Variants in COL7A1 observed in about 807,000 individuals in gnomAD.
The protein encoded by COL7A1 is collagen type VII alpha 1 chain, also known as collagen alpha-1(VII) chain.
COL7A1 carries 296 observed loss-of-function variants against 456.2 expected under a neutral mutation model. The ratio of observed to expected loss-of-function variants is 0.65; its 90% confidence interval spans 0.59 to 0.71. The LOEUF is 0.71. Among genes scored for constraint, COL7A1 ranks in the 30% least tolerant of loss-of-function variants. COL7A1 has a pLI of 0.00. For synonymous variants in COL7A1, 1,464 were observed against 1,525.9 expected (o/e 0.96, Z 0.95); for missense variants, 3,441 against 4,017.2 (o/e 0.86, Z 3.88).
In COL7A1 at chr3:48,584,703, TCCCGGCCG is replaced by T. The variant is rs1455894319; in HGVS notation, c.4047+23_4047+30del. ...GGCAGTCCTGCTCCTCCCTGGGACA[TCCCGGCCG>T]CCTCCCTTCCCCCTTCACCTACCGG... On this transcript the variant is annotated intron_variant, in intron 35 of 118. Transcript: ENST00000681320. 3 of 1,613,852 alleles carry T rather than the reference TCCCGGCCG, an allele frequency of 1.9e-6. No homozygotes were observed. The South Asian group carries it at 3.3e-5, about 18-fold the overall frequency.
At position 48,587,748 on chromosome 3, in the gene COL7A1, G is replaced by A. The variant is rs1220246924; in HGVS notation, c.2857+45C>T. ...GAGTCGGGGTGCAGGAAGTCAGGGT[G>A]GGTCATCAGCAGGGGAGGAGCACGC... On this transcript the variant is annotated intron_variant, in intron 22 of 118. Coordinates refer to ENST00000681320, the MANE Select transcript of COL7A1 (RefSeq NM_000094.4). This position sits in a 1 kb window ranked among gnomAD's most constrained non-coding sequence, Gnocchi z 6.1. 9 of 1,613,106 alleles carry A rather than the reference G, an allele frequency of 5.6e-6. No individual in the cohort carries two copies. Among genetic ancestry groups the A allele is most frequent in the African/African-American group, 1.3e-5 (1 of 74,880 alleles).
In COL7A1 at chr3:48,591,520, G is replaced by T; in HGVS notation, c.1580C>A (p.Ser527Tyr). 1.2e-6 allele frequency: 2 copies of T among 1,614,000 alleles called. No homozygotes were observed. The highest frequency in any genetic ancestry group is 1.7e-6 in the Non-Finnish European group (2 of 1,179,994). ...GGTGGCACCAGGGACTGGGCTCCAG[G>T]ACACTCGCACCCGCTGCCCGGGCAG... The part of the protein sequence containing the change: ...TELPGQRVRV[S>Y]WSPVPGATQY... The change falls in exon 13 of 119, where the codon TCC becomes TAC. Residue 527 changes from serine (S) to tyrosine (Y), a missense_variant. Ser to Tyr is a moderately radical substitution (Grantham distance 144). Coordinates refer to ENST00000681320, the MANE Select transcript of COL7A1 (RefSeq NM_000094.4). The surrounding 1 kb of genome is among the most constrained non-coding windows in gnomAD (Gnocchi z 7.0).
In COL7A1 at chr3:48,585,057, G is replaced by T. The variant is rs764831575; in HGVS notation, c.3954C>A (p.Thr1318=). 3 of 1,612,882 alleles carry T rather than the reference G, an allele frequency of 1.9e-6. No homozygotes were observed. Among genetic ancestry groups the T allele is most frequent in the Admixed American group, 1.7e-5 (1 of 60,026 alleles). Residue 1318 remains threonine (T), a synonymous_variant, in exon 33 of 119, where the codon ACC becomes ACA. Transcript: ENST00000681320. This position sits in a 1 kb window ranked among gnomAD's most constrained non-coding sequence, Gnocchi z 4.5. ...TCACCTTTAGGCCAGGGGCTCCAGG[G>T]GTCCCAGGATTCCCGGCGCGGCCAG... ...GSPGRAGNPG[T]PGAPGLKGSP... is the part of the protein sequence containing the mutation.
chr3:48,582,778 G>T, intron 44 of COL7A1, 125 bp from the exon 45 acceptor site: 1 of 1,193,166 alleles, frequency 8.4e-7, no homozygotes, highest in Non-Finnish European at 1.2e-6. Context: ...GTTGGCAGGG[G>T]TAAGACTTGG....
rs764104288 is a variant in COL7A1 at position 48,594,391 on chromosome 3, TG to T, written c.242del (p.Thr81LysfsTer23). 1 of 1,611,288 alleles carries T rather than the reference TG, an allele frequency of 6.2e-7. No homozygotes were observed. ...ACCGTGGGTCATCGCTGTACTGCAC[TG>T]TGGCAAAGCGCACACCCTGTGCACT... ...AASAQGVRFA[T>X]VQYSDDPRTE... On this transcript the variant is annotated frameshift_variant, in exon 3 of 119. Transcript: ENST00000681320. LOFTEE classifies it high-confidence loss of function. This position sits in a 1 kb window ranked among gnomAD's most constrained non-coding sequence, Gnocchi z 5.5.
intron 70 of COL7A1, 40 bp from the exon 71 acceptor site, chr3:48,576,336 G>A: frequency 1.2e-6 from 2 of 1,613,946 alleles, no homozygotes; most frequent in Non-Finnish European, 1.7e-6. Context: ...CCAGCCTATG[G>A]GTGTGCATGT....
In COL7A1 at chr3:48,587,418, A is replaced by T; in HGVS notation, c.2992+2T>A. 1 of 1,612,932 alleles carries T rather than the reference A, an allele frequency of 6.2e-7. No individual in the cohort carries two copies. Among genetic ancestry groups the T allele is most frequent in the Non-Finnish European group, 8.5e-7 (1 of 1,179,948 alleles). ...CCACCCAAATCCTGGCCTCCCCCTCACCCTGGCCAGGGCCTCTGAGTGGCC... is the reference window on the plus strand; with the variant it reads ...CCACCCAAATCCTGGCCTCCCCCTCTCCCTGGCCAGGGCCTCTGAGTGGCC... On this transcript the variant is annotated splice_donor_variant, in intron 23 of 118. Transcript: ENST00000681320. LOFTEE classifies it high-confidence loss of function. This position sits in a 1 kb window ranked among gnomAD's most constrained non-coding sequence, Gnocchi z 6.1.
chr3:48,582,323 C>T lies in COL7A1; in HGVS notation c.4635G>A (p.Val1545=). The T allele has an allele frequency of 6.2e-7, 1 of 1,614,006 alleles. No homozygotes were observed. Among genetic ancestry groups the T allele is most frequent in the Non-Finnish European group, 8.5e-7 (1 of 1,179,984 alleles). ...EPGRPGDPAV[V]GPAVAGPKGE... is the part of the protein sequence containing the mutation. ...AGAGCGCCATCCTCCCGTCACTCACCACCACTGCAGGGTCCCCAGGGCGAC... is the reference window on the plus strand; with the variant it reads ...AGAGCGCCATCCTCCCGTCACTCACTACCACTGCAGGGTCCCCAGGGCGAC... Residue 1545 remains valine, a splice_region_variant and synonymous_variant, in exon 47 of 119, where the codon GTG becomes GTA. Transcript: ENST00000681320.
intron 2 of COL7A1, 39 bp downstream of exon 2, chr3:48,595,036 T>G (rs767464814): frequency 1.4e-6 from 2 of 1,477,548 alleles, no homozygotes; most frequent in South Asian, 2.4e-5. Context: ...GGTGGCACGG[T>G]GCAGTGCCCC....
chr3:48,569,539 C>T lies in COL7A1; in HGVS notation c.7614+53G>A, dbSNP rs1367126807. ...TCTCAGATGCCCTGGGCCAGCCCCA[C>T]GGGGTCCCTCTCGCACCCAGGGGAG... On this transcript the variant is annotated intron_variant, in intron 102 of 118. Transcript: ENST00000681320. The surrounding 1 kb of genome is among the most constrained non-coding windows in gnomAD (Gnocchi z 4.9). The T allele has an allele frequency of 2.2e-5, 35 of 1,613,110 alleles. No individual in the cohort carries two copies. The highest frequency in any genetic ancestry group is 1.7e-4 in the Middle Eastern group (1 of 5,988).
rs1223608137 is a variant in COL7A1 at position 48,571,770 on chromosome 3, G to A, written c.7068+231C>T. On this transcript the variant is annotated intron_variant, in intron 92 of 118. Coordinates refer to ENST00000681320, the MANE Select transcript of COL7A1 (RefSeq NM_000094.4). The surrounding 1 kb of genome is among the most constrained non-coding windows in gnomAD (Gnocchi z 4.6). ...GAGCACACGTGTGCCCAGATGTGGT[G>A]AGAAACAGACCAAGGATGGGCACAC... is the stretch of plus-strand genomic sequence containing the variant. The A allele has an allele frequency of 3.1e-6, 2 of 638,054 alleles. No individual in the cohort carries two copies. Among genetic ancestry groups the A allele is most frequent in the Non-Finnish European group, 5.7e-6 (2 of 353,530 alleles). 39.5% of individuals were successfully genotyped at this position (638,054 alleles called of 1,614,324 possible).
At chr3:48,576,628 T>G in intron 68 of COL7A1, 48 bp downstream of exon 68, 1 of 1,591,154 alleles carries the variant, frequency 6.3e-7, no homozygotes, top group Non-Finnish European at 8.6e-7. Flanking sequence ...CATTGAAACA[T>G]CATGGCTTCT....
In COL7A1 at chr3:48,578,332, T is replaced by C; in HGVS notation, c.5521A>G (p.Asn1841Asp). 3.7e-6 allele frequency: 6 copies of C among 1,612,764 alleles called. No homozygotes were observed. Among genetic ancestry groups the C allele is most frequent in the Non-Finnish European group, 4.2e-6 (5 of 1,180,030 alleles). The change falls in exon 65 of 119, where the codon AAT becomes GAT. Residue 1841 changes from asparagine (N) to aspartate (D), a missense_variant. Around this residue, in one of 3 missense-constraint regions of COL7A1, gnomAD observed 2,084 missense variants for 2,501.3 expected, o/e 0.83. Transcript: ENST00000681320. This position sits in a 1 kb window ranked among gnomAD's most constrained non-coding sequence, Gnocchi z 4.7. Reference sequence around the variant, plus strand: ...CTGGACACACTCACGTTTTTTCCATTCAGGCCAGGTTTGCCATCCTCGCCT... The same window carrying C: ...CTGGACACACTCACGTTTTTTCCATCCAGGCCAGGTTTGCCATCCTCGCCT... ...KPGEDGKPGL[N>D]GKNGEPGDPG...
chr3:48,565,421 G>A lies in COL7A1; in HGVS notation c.8516C>T (p.Ala2839Val), dbSNP rs1198615249. The change falls in exon 116 of 119, where the codon GCA becomes GTA. Residue 2839 changes from alanine to valine, a missense_variant. Physicochemically the swap from Ala to Val is moderately conservative, Grantham distance 64. Transcript: ENST00000681320. This position sits in a 1 kb window ranked among gnomAD's most constrained non-coding sequence, Gnocchi z 4.5. ...TCAGCTGTCCTCACCTTCCTCCTCT[G>A]CATGAGAGACGCGGAGCACAGGCAC... ...HAVPVLRVSH[A>V]EEEERVPPED... The A allele has an allele frequency of 2.5e-6, 4 of 1,610,314 alleles. No homozygotes were observed. Among genetic ancestry groups the A allele is most frequent in the South Asian group, 1.1e-5 (1 of 90,368 alleles).
At position 48,586,087 on chromosome 3, in the gene COL7A1, G is replaced by C; in HGVS notation, c.3710C>G (p.Ser1237Cys). 1 of 1,613,548 alleles carries C rather than the reference G, an allele frequency of 6.2e-7. No individual in the cohort carries two copies. The highest frequency in any genetic ancestry group is 8.5e-7 in the Non-Finnish European group (1 of 1,180,018). Residue 1237 changes from serine to cysteine, a missense_variant, in exon 28 of 119, where the codon TCC becomes TGC. By Grantham distance (112) the Ser-to-Cys change is moderately radical. Transcript: ENST00000681320. This position sits in a 1 kb window ranked among gnomAD's most constrained non-coding sequence, Gnocchi z 5.1. ...SGLATALCQA[S>C]FTTQPRPEPC... ...CCTCTTCCAAACCTGAGTAGTGAAG[G>C]ATGCCTGACACAGGGCTGTGGCCAG...
At position 48,568,332 on chromosome 3, in the gene COL7A1, C is replaced by T; in HGVS notation, c.7795-162G>A. ...GACAAGGGTCACCATAGGCAGGGGA[C>T]ACCATCATAGGCGGCTACTGTGGAG... On this transcript the variant is annotated intron_variant, in intron 105 of 118. Coordinates refer to ENST00000681320, the MANE Select transcript of COL7A1 (RefSeq NM_000094.4). This position sits in a 1 kb window ranked among gnomAD's most constrained non-coding sequence, Gnocchi z 5.2. 9.4e-7 allele frequency: 1 copy of T among 1,059,214 alleles called. No homozygotes were observed. The highest frequency in any genetic ancestry group is 1.6e-5 in the African/African-American group (1 of 63,710). The allele number at this position is 1,059,214 out of a possible 1,614,324, so 65.6% of individuals were successfully genotyped here. A position where few individuals can be genotyped will look rare whatever the true frequency, so the allele number is the denominator to read the frequency against.
chr3:48,566,726 A>G lies in COL7A1; in HGVS notation c.8238T>C (p.Gly2746=), dbSNP rs761159131. 140 of 1,613,154 alleles carry G rather than the reference A, an allele frequency of 8.7e-5. No homozygotes were observed. The highest frequency in any genetic ancestry group is 9.1e-5 in the Non-Finnish European group (107 of 1,179,826). The change falls in exon 112 of 119, where the codon GGT becomes GGC. Residue 2746 remains glycine (G), a synonymous_variant. Coordinates refer to ENST00000681320, the MANE Select transcript of COL7A1 (RefSeq NM_000094.4). The surrounding 1 kb of genome is among the most constrained non-coding windows in gnomAD (Gnocchi z 5.9). ...EGLQGQKGER[G]PPGERVVGAP... ...CCCCCACCACTCTCTCTCCGGGGGG[A>G]CCTCGCTCACCCTGTCAGACACAGG...
intron 71 of COL7A1, 126 bp downstream of exon 71, chr3:48,576,123 A>C (rs534308488): frequency 6.7e-7 from 1 of 1,483,588 alleles, no homozygotes; most frequent in East Asian, 2.3e-5. Flanking sequence ...AAGAACCCCA[A>C]TGGGGCAGGG....
In COL7A1 at chr3:48,570,367, G is replaced by A; in HGVS notation, c.7381-33C>T. 1 of 1,614,032 alleles carries A rather than the reference G, an allele frequency of 6.2e-7. No homozygotes were observed. Among genetic ancestry groups the A allele is most frequent in the South Asian group, 1.1e-5 (1 of 91,082 alleles). On this transcript the variant is annotated intron_variant, in intron 97 of 118. Transcript: ENST00000681320. The surrounding 1 kb of genome is among the most constrained non-coding windows in gnomAD (Gnocchi z 5.5). ...CCAACAGGACACCGGGGATCAGTGA[G>A]GGGAATCAGTGGGGGACGCAGGGTC...
Sources: gnomAD v4.1 joint callset for allele counts on GRCh38, gnomAD v4.1.1 for gene constraint, gnomAD v4.1.1 regional missense constraint, Gnocchi (gnomAD v3.1) non-coding constraint, MANE v1.5 for transcripts, NCBI Gene and HGNC (gene_info 2026-07-23, HGNC 2026-07-21) for gene names.